EFCAB11: variants seen among roughly 807,000 people sequenced by gnomAD.
EFCAB11 encodes the protein EF-hand calcium binding domain 11.
A neutral mutation model predicts 23.0 loss-of-function variants in EFCAB11; 14 were observed. The ratio of observed to expected loss-of-function variants is 0.61; its 90% confidence interval spans 0.40 to 0.95. The LOEUF (loss-of-function observed/expected upper bound fraction) is 0.95, where lower values mean the gene tolerates loss of function less well. Among genes scored for constraint, EFCAB11 ranks in the 40% least tolerant of loss-of-function variants. The pLI, the probability that EFCAB11 is intolerant of heterozygous loss-of-function variation, is 0.00. For missense variants in EFCAB11, 198 were observed against 195.8 expected (o/e 1.01, Z -0.07); for synonymous variants, 65 against 66.6 (o/e 0.98, Z 0.11).
chr14:89,948,494 A>G (rs1417464105), intron 3 of EFCAB11, among the ~76,000 whole-genome samples: 1 of 152,238 alleles, frequency 6.6e-6, no homozygotes, highest in Non-Finnish European at 1.5e-5. Flanking sequence ...TATATACCCA[A>G]AAGAAAGGAA....
intron 5 of EFCAB11, among the ~76,000 whole-genome samples, chr14:89,817,832 A>G (rs1886383111): frequency 6.6e-6 from 1 of 152,084 alleles, no homozygotes; most frequent in Middle Eastern, 3.2e-3. Context: ...CGTCTCTACT[A>G]AAAATACAAA....
At chr14:89,924,039 C>T (rs1281569368) in intron 5 of EFCAB11, 2 of 985,388 alleles carry the variant, frequency 2.0e-6, no homozygotes, top group Admixed American at 1.2e-4. Flanking sequence ...CCTATAATGG[C>T]TGTGATATAA....
At chr14:89,838,588 A>G (rs1472794036) in intron 5 of EFCAB11, among the ~76,000 whole-genome samples, 1 of 152,234 alleles carries the variant, frequency 6.6e-6, no homozygotes, top group African/African-American at 2.4e-5. Context: ...GAGAAAAACA[A>G]TAACAGCATT....
intron 5 of EFCAB11, among the ~76,000 whole-genome samples, chr14:89,902,090 T>A (rs1433334501): frequency 6.6e-6 from 1 of 152,192 alleles, no homozygotes; most frequent in Non-Finnish European, 1.5e-5. Context: ...CAAATTTTGC[T>A]CAGACCTTGC....
chr14:89,862,313 T>A (rs914790498), intron 5 of EFCAB11, among the ~76,000 whole-genome samples: 1 of 141,700 alleles, frequency 7.1e-6, no homozygotes, highest in African/African-American at 2.8e-5. Context: ...ACTAAAAGCA[T>A]TTTTTTTTAT....
At chr14:89,856,094 C>A (rs1029967213) in intron 5 of EFCAB11, among the ~76,000 whole-genome samples, 2 of 151,934 alleles carry the variant, frequency 1.3e-5, no homozygotes, top group African/African-American at 4.8e-5. Context: ...CGGCAGATAT[C>A]TTTACAAAGT....
chr14:89,806,927 T>G (rs1451168340), intron 5 of EFCAB11, among the ~76,000 whole-genome samples: 4 of 152,110 alleles, frequency 2.6e-5, no homozygotes, highest in Non-Finnish European at 5.9e-5. Context: ...TAAAAAAAAG[T>G]AGTTTGAACC....
chr14:89,803,298 T>C (rs1885848367), intron 5 of EFCAB11, among the ~76,000 whole-genome samples: 1 of 152,222 alleles, frequency 6.6e-6, no homozygotes. Context: ...GTTTCTCAGA[T>C]CATGCAGATG....
At chr14:89,835,102 ATTTGCT>A (rs33926759) in intron 5 of EFCAB11, among the ~76,000 whole-genome samples, 3,238 of 152,252 alleles carry the variant, frequency 0.021, 112 homozygotes, top group African/African-American at 0.073. Context: ...AGGCAAGGCC[ATTTGCT>A]GAGAGTGACA....
At chr14:89,827,766 T>C (rs1334872641) in intron 5 of EFCAB11, among the ~76,000 whole-genome samples, 1 of 151,644 alleles carries the variant, frequency 6.6e-6, no homozygotes, top group African/African-American at 2.4e-5. Flanking sequence ...CTGAAGTAGC[T>C]GGGATTACAG....
intron 5 of EFCAB11, chr14:89,892,114 G>C: frequency 6.4e-7 from 1 of 1,551,400 alleles, no homozygotes; most frequent in Non-Finnish European, 8.7e-7. Flanking sequence ...TCCAAGACTG[G>C]CACCAGGAGG....
intron 5 of EFCAB11, among the ~76,000 whole-genome samples, chr14:89,872,896 C>G (rs890390749): frequency 6.6e-6 from 1 of 151,904 alleles, no homozygotes; most frequent in Non-Finnish European, 1.5e-5. Flanking sequence ...TGTGAAGATA[C>G]AGAGAGAAGG....
intron 5 of EFCAB11, among the ~76,000 whole-genome samples, chr14:89,805,934 A>G (rs1039824633): frequency 2.0e-5 from 3 of 152,196 alleles, no homozygotes; most frequent in African/African-American, 7.2e-5. Context: ...AATAATTTAG[A>G]TTTCTCCTCG....
intron 5 of EFCAB11, among the ~76,000 whole-genome samples, chr14:89,854,183 T>C (rs1490392079): frequency 6.7e-6 from 1 of 149,548 alleles, no homozygotes; most frequent in African/African-American, 2.5e-5. Context: ...AGCATGAATT[T>C]GCGGTTGTCT....
chr14:89,845,809 G>A (rs897014249), intron 5 of EFCAB11, among the ~76,000 whole-genome samples: 4 of 152,162 alleles, frequency 2.6e-5, no homozygotes, highest in Non-Finnish European at 4.4e-5. Context: ...ATGTGCAGTC[G>A]GGAGTACTGG....
intron 5 of EFCAB11, among the ~76,000 whole-genome samples, chr14:89,897,710 T>C (rs767988163): frequency 4.6e-5 from 7 of 152,218 alleles, no homozygotes; most frequent in African/African-American, 7.2e-5. Context: ...AAAAATTATG[T>C]TTAAAAAATT....
intron 5 of EFCAB11, among the ~76,000 whole-genome samples, chr14:89,901,447 T>C (rs1419899412): frequency 6.6e-6 from 1 of 152,248 alleles, no homozygotes; most frequent in Non-Finnish European, 1.5e-5. Context: ...CAATTTCATC[T>C]GCATTCATCT....
chr14:89,878,454 G>A (rs958466338), intron 5 of EFCAB11, among the ~76,000 whole-genome samples: 1 of 151,946 alleles, frequency 6.6e-6, no homozygotes, highest in African/African-American at 2.4e-5. Context: ...AAGTATTAGA[G>A]ATGTATAAAG....
intron 5 of EFCAB11, among the ~76,000 whole-genome samples, chr14:89,887,276 T>C (rs950041859): frequency 5.9e-5 from 9 of 152,138 alleles, no homozygotes; most frequent in South Asian, 2.1e-4. Context: ...TCACTTTGGA[T>C]AGGAAAGGCC....
Sources: gnomAD v4.1 joint callset for allele counts (sites outside exome capture counted in the v4.1 genomes callset) on GRCh38, gnomAD v4.1.1 for gene constraint, MANE v1.5 for transcripts, NCBI Gene and HGNC (gene_info 2026-07-23, HGNC 2026-07-21) for gene names.